RBFOX1: variants seen among roughly 807,000 people sequenced by gnomAD.
The protein encoded by RBFOX1 is RNA binding protein fox-1 homolog 1.
A neutral mutation model predicts 57.7 loss-of-function variants in RBFOX1; 8 were observed. The ratio of observed to expected loss-of-function variants is 0.14; its 90% CI spans 0.08 to 0.25. The LOEUF is 0.25. Among genes scored for constraint, RBFOX1 ranks in the 10% least tolerant of loss-of-function variants. The pLI is 1.00. For synonymous variants in RBFOX1, 326 were observed against 222.4 expected (o/e 1.47, Z -4.15); for missense variants, 611 against 548.5 (o/e 1.11, Z -1.14).
intron 2 of RBFOX1, among the ~76,000 whole-genome samples, chr16:6,362,754 G>T (rs150180169): frequency 5.3e-5 from 8 of 152,300 alleles, no homozygotes; most frequent in Non-Finnish European, 1.2e-4. Flanking sequence ...GTGGGGAGAT[G>T]GATGGCTTAT....
intron 3 of RBFOX1, among the ~76,000 whole-genome samples, chr16:6,703,085 A>C (rs796610660): frequency 6.6e-6 from 1 of 152,004 alleles, no homozygotes; most frequent in Non-Finnish European, 1.5e-5. Context: ...TGTTATTCTT[A>C]TTTCCTTCGT....
At chr16:7,107,506 T>G (rs1277288216) in intron 4 of RBFOX1, among the ~76,000 whole-genome samples, 3 of 152,140 alleles carry the variant, frequency 2.0e-5, no homozygotes, top group Non-Finnish European at 4.4e-5. Flanking sequence ...ACTGTACATA[T>G]GTAAAGTGTA....
intron 6 of RBFOX1, among the ~76,000 whole-genome samples, chr16:7,585,557 G>A (rs1463516162): frequency 6.6e-6 from 1 of 152,168 alleles, no homozygotes; most frequent in Non-Finnish European, 1.5e-5. Flanking sequence ...GTGCGTCTGT[G>A]ATTCCCCCGG....
At chr16:7,232,854 TAAAA>T (rs35209426) in intron 4 of RBFOX1, among the ~76,000 whole-genome samples, 2 of 128,676 alleles carry the variant, frequency 1.6e-5, no homozygotes, top group East Asian at 4.6e-4. Flanking sequence ...ATCTCTTAAT[TAAAA>T]AAAAAAAAAA....
chr16:7,437,162 T>G (rs2149760760), intron 4 of RBFOX1, among the ~76,000 whole-genome samples: 1 of 152,256 alleles, frequency 6.6e-6, no homozygotes, highest in Admixed American at 6.5e-5. Flanking sequence ...TTTAATCTGT[T>G]TTATGATACT....
chr16:7,028,127 C>T (rs1484982039), intron 3 of RBFOX1, among the ~76,000 whole-genome samples: 1 of 152,060 alleles, frequency 6.6e-6, no homozygotes, highest in Non-Finnish European at 1.5e-5. Context: ...TAGAAGCCTG[C>T]AGAAATATTG....
At chr16:7,033,991 A>G (rs2043526086) in intron 3 of RBFOX1, among the ~76,000 whole-genome samples, 1 of 152,138 alleles carries the variant, frequency 6.6e-6, no homozygotes, top group Non-Finnish European at 1.5e-5. Context: ...TAAAATAATA[A>G]AGGCATTTAA....
At chr16:7,305,309 G>C (rs567069802) in intron 4 of RBFOX1, among the ~76,000 whole-genome samples, 2 of 152,160 alleles carry the variant, frequency 1.3e-5, no homozygotes, top group South Asian at 4.2e-4. Context: ...TTTATTGGAA[G>C]GGTTGCTTCC....
intron 4 of RBFOX1, among the ~76,000 whole-genome samples, chr16:7,072,180 C>A (rs187375893): frequency 1.1e-3 from 164 of 152,280 alleles, no homozygotes; most frequent in African/African-American, 3.8e-3. Context: ...ATAGCACTTT[C>A]TTCTTTCCCC....
intron 4 of RBFOX1, among the ~76,000 whole-genome samples, chr16:7,136,709 A>T (rs1416275085): frequency 6.6e-6 from 1 of 152,040 alleles, no homozygotes; most frequent in East Asian, 1.9e-4. Context: ...GAGTCACTTC[A>T]CCTGGCCCCA....
intron 2 of RBFOX1, among the ~76,000 whole-genome samples, chr16:5,583,246 G>A (rs2046732000): frequency 6.6e-6 from 1 of 152,202 alleles, no homozygotes; most frequent in Non-Finnish European, 1.5e-5. Flanking sequence ...ACTAAATATG[G>A]CCTTAGAAGG....
intron 15 of RBFOX1, 154 bp from the exon 16 acceptor site, chr16:7,710,469 A>G (rs576405048): frequency 6.7e-5 from 100 of 1,501,812 alleles, no homozygotes; most frequent in African/African-American, 1.4e-4. Context: ...GAATGGCCCT[A>G]TCTTTAGTTC....
intron 2 of RBFOX1, among the ~76,000 whole-genome samples, chr16:6,629,610 T>G (rs963571963): frequency 1.3e-5 from 2 of 152,060 alleles, no homozygotes. Context: ...GCTGCAAGAT[T>G]CTTAGAGTAT....
At chr16:7,265,958 GTTTTT>G (rs2095115442) in intron 4 of RBFOX1, among the ~76,000 whole-genome samples, 1 of 107,604 alleles carries the variant, frequency 9.3e-6, no homozygotes, top group African/African-American at 4.6e-5. Flanking sequence ...GATCTGGTGG[GTTTTT>G]GTTTTTTTTT....
chr16:6,812,200 AGAAT>A (rs1283596333), intron 3 of RBFOX1, among the ~76,000 whole-genome samples: 1 of 152,180 alleles, frequency 6.6e-6, no homozygotes, highest in Non-Finnish European at 1.5e-5. Flanking sequence ...TCCTCCTGTT[AGAAT>A]GAATATCTGT....
chr16:7,488,985 A>G (rs2066188681), intron 4 of RBFOX1, among the ~76,000 whole-genome samples: 2 of 151,964 alleles, frequency 1.3e-5, no homozygotes, highest in South Asian at 4.2e-4. Flanking sequence ...TATGCCTCTA[A>G]TCTCTCTATT....
intron 2 of RBFOX1, among the ~76,000 whole-genome samples, chr16:6,433,671 C>A (rs911497156): frequency 4.6e-5 from 7 of 152,028 alleles, no homozygotes; most frequent in African/African-American, 1.7e-4. Context: ...TAGCAGGGCT[C>A]AGTTTCTTCC....
chr16:7,555,895 T>C (rs1424988099), intron 5 of RBFOX1, among the ~76,000 whole-genome samples: 1 of 152,190 alleles, frequency 6.6e-6, no homozygotes. Flanking sequence ...AATGCTCTGA[T>C]TGATTAGGTT....
chr16:6,817,696 CT>C (rs2090394860), intron 3 of RBFOX1, among the ~76,000 whole-genome samples: 1 of 151,676 alleles, frequency 6.6e-6, no homozygotes, highest in African/African-American at 2.4e-5. Flanking sequence ...GAGCCAAACT[CT>C]GTCTCAAAGA....
Sources: gnomAD v4.1 joint callset for allele counts (sites outside exome capture counted in the v4.1 genomes callset) on GRCh38, gnomAD v4.1.1 for gene constraint, MANE v1.5 for transcripts, NCBI Gene and HGNC (gene_info 2026-07-23, HGNC 2026-07-21) for gene names.